Variants in ST18 observed in about 807,000 individuals in gnomAD.
ST18 encodes ST18 C2H2C-type zinc finger transcription factor, also known as suppression of tumorigenicity 18 protein.
ST18 carries 50 observed loss-of-function variants against 110.0 expected under a neutral mutation model. The ratio of observed to expected loss-of-function variants is 0.45; its 90% confidence interval spans 0.36 to 0.58. The LOEUF is 0.58. ST18 is among the 20% of genes least tolerant of loss of function. The probability of loss-of-function intolerance (pLI) is 0.00; values close to 1 mark genes in which losing one functional copy is unlikely to be tolerated. For missense variants in ST18, 1,306 were observed against 1,280.1 expected, an observed-to-expected ratio of 1.02 and a Z score of -0.31; for synonymous variants, 461 against 452.4, an observed-to-expected ratio of 1.02 and a Z score of -0.24.
At chr8:52,293,388 G>A (rs1380624255) in intron 2 of ST18, among the ~76,000 whole-genome samples, 1 of 152,244 alleles carries the variant, frequency 6.6e-6, no homozygotes, top group Non-Finnish European at 1.5e-5. Flanking sequence ...CACAGCACAT[G>A]TGCCACTGTG....
At chr8:52,118,735 C>T (rs904621837) in intron 23 of ST18, among the ~76,000 whole-genome samples, 1 of 152,090 alleles carries the variant, frequency 6.6e-6, no homozygotes, top group Non-Finnish European at 1.5e-5. Flanking sequence ...TTACCACACC[C>T]TACAGTGGGA....
intron 2 of ST18, among the ~76,000 whole-genome samples, chr8:52,306,154 C>A (rs939280958): frequency 9.9e-5 from 15 of 152,192 alleles, no homozygotes; most frequent in Non-Finnish European, 1.2e-4. Flanking sequence ...TTGCTCATTC[C>A]CTCACCTCCT....
chr8:52,253,378 C>T (rs867117343), intron 2 of ST18, among the ~76,000 whole-genome samples: 1 of 152,038 alleles, frequency 6.6e-6, no homozygotes, highest in South Asian at 2.1e-4. Context: ...TTAGTATTTT[C>T]TCTTTCATTC....
At chr8:52,246,796 T>C (rs1268533803) in intron 2 of ST18, 2 of 152,336 alleles carry the variant, frequency 1.3e-5, no homozygotes, top group East Asian at 3.9e-4. Flanking sequence ...AAACACAATA[T>C]GCCAGGGGCA....
At chr8:52,304,362 C>T (rs922927122) in intron 2 of ST18, among the ~76,000 whole-genome samples, 2 of 152,122 alleles carry the variant, frequency 1.3e-5, no homozygotes, top group Non-Finnish European at 2.9e-5. Flanking sequence ...GCACACCATC[C>T]TATCTGTACT....
chr8:52,409,024 T>C (rs1845505073), intron 2 of ST18: 1 of 152,228 alleles, frequency 6.6e-6, no homozygotes, highest in Non-Finnish European at 1.5e-5. Context: ...ACATTTGCAG[T>C]ATTAAATACA....
chr8:52,307,975 A>G (rs1473857583), intron 2 of ST18, among the ~76,000 whole-genome samples: 1 of 152,230 alleles, frequency 6.6e-6, no homozygotes, highest in African/African-American at 2.4e-5. Context: ...GAATGTCTTC[A>G]TCTTGAAATA....
chr8:52,265,695 A>C (rs1210445536), intron 2 of ST18, among the ~76,000 whole-genome samples: 1 of 152,244 alleles, frequency 6.6e-6, no homozygotes, highest in Admixed American at 6.5e-5. Flanking sequence ...AGGGAAACTG[A>C]AAGAAATGTC....
chr8:52,375,828 A>C (rs1239565990), intron 2 of ST18, among the ~76,000 whole-genome samples: 1 of 146,942 alleles, frequency 6.8e-6, no homozygotes, highest in Non-Finnish European at 1.5e-5. Context: ...GCAGGTCTTC[A>C]CCAGCTCCCC....
intron 3 of ST18, among the ~76,000 whole-genome samples, chr8:52,224,279 T>A (rs2088307032): frequency 6.6e-6 from 1 of 152,198 alleles, no homozygotes; most frequent in African/African-American, 2.4e-5. Flanking sequence ...TATTTTGGAG[T>A]TCCTAATCAA....
chr8:52,164,112 G>A (rs1279098438), intron 12 of ST18, 22 bp from the exon 13 acceptor site: 1 of 1,591,914 alleles, frequency 6.3e-7, no homozygotes, highest in Non-Finnish European at 8.6e-7. Context: ...AAGAAACACA[G>A]GAGGATTTTA....
At chr8:52,264,595 C>A (rs1288356638) in intron 2 of ST18, among the ~76,000 whole-genome samples, 2 of 152,200 alleles carry the variant, frequency 1.3e-5, no homozygotes, top group Non-Finnish European at 2.9e-5. Flanking sequence ...TCCCATGAAA[C>A]CTGACTTTTG....
intron 2 of ST18, among the ~76,000 whole-genome samples, chr8:52,381,048 A>G (rs927778575): frequency 6.6e-6 from 1 of 152,214 alleles, no homozygotes; most frequent in African/African-American, 2.4e-5. Flanking sequence ...AAATACGGTC[A>G]GTATTGTGGT....
intron 2 of ST18, among the ~76,000 whole-genome samples, chr8:52,324,945 A>C (rs112244147): frequency 2.0e-5 from 3 of 152,244 alleles, no homozygotes; most frequent in African/African-American, 4.8e-5. Flanking sequence ...CCCGCTGGGA[A>C]ATAAGTTTGG....
chr8:52,248,826 C>CTTGTT (rs2094063190), intron 2 of ST18, among the ~76,000 whole-genome samples: 1 of 152,098 alleles, frequency 6.6e-6, no homozygotes, highest in South Asian at 2.1e-4. Flanking sequence ...CTTTTGTTTT[C>CTTGTT]TTGTTTTGTT....
chr8:52,152,697 T>C (rs180679639), intron 15 of ST18, among the ~76,000 whole-genome samples: 10 of 152,370 alleles, frequency 6.6e-5, no homozygotes, highest in Non-Finnish European at 1.2e-4. Context: ...TTTTTATGCA[T>C]ATAGATTTTT....
chr8:52,300,726 G>A (rs4625054), intron 2 of ST18, among the ~76,000 whole-genome samples: 3 of 151,996 alleles, frequency 2.0e-5, no homozygotes, highest in Non-Finnish European at 1.5e-5. Context: ...ATTCATTTAC[G>A]TCCTGTCACT....
chr8:52,145,369 G>C (rs1373461467), intron 16 of ST18, among the ~76,000 whole-genome samples: 1 of 152,000 alleles, frequency 6.6e-6, no homozygotes, highest in Admixed American at 6.6e-5. Context: ...TATTGCATAC[G>C]ACCTTTTAAA....
chr8:52,319,295 T>C (rs1411521708), intron 2 of ST18, among the ~76,000 whole-genome samples: 1 of 152,210 alleles, frequency 6.6e-6, no homozygotes, highest in Non-Finnish European at 1.5e-5. Flanking sequence ...TGTATATATG[T>C]ACATATTAAT....
Sources: allele counts gnomAD v4.1 joint callset (sites outside exome capture counted in the v4.1 genomes callset), GRCh38; gene constraint gnomAD v4.1.1; transcripts MANE v1.5; gene names NCBI Gene and HGNC (gene_info 2026-07-23, HGNC 2026-07-21).